DENND5B: variants seen among roughly 807,000 people sequenced by gnomAD.
DENND5B encodes DENN domain containing 5B, also known as DENN domain-containing protein 5B.
DENND5B carries 34 observed loss-of-function variants against 140.6 expected under a neutral mutation model. The observed-to-expected ratio is 0.24, with a 90% confidence interval of 0.18 to 0.32. DENND5B has a LOEUF of 0.32. DENND5B is among the 10% of genes least tolerant of loss of function. The pLI, the probability that DENND5B is intolerant of heterozygous loss-of-function variation, is 1.00. For missense variants in DENND5B, 1,142 were observed against 1,560.2 expected, an observed-to-expected ratio of 0.73 and a Z score of 4.52; for synonymous variants, 551 against 562.1, an observed-to-expected ratio of 0.98 and a Z score of 0.28.
intron 20 of DENND5B, among the ~76,000 whole-genome samples, chr12:31,388,128 T>C (rs1369153238): frequency 2.3e-5 from 1 of 44,338 alleles, no homozygotes; most frequent in African/African-American, 5.3e-5. Flanking sequence ...TGTCATTTTC[T>C]ATGTCTTTTT....
chr12:31,570,829 A>G (rs1418936322), intron 1 of DENND5B, among the ~76,000 whole-genome samples: 1 of 152,006 alleles, frequency 6.6e-6, no homozygotes, highest in East Asian at 1.9e-4. Flanking sequence ...TGGTTGGTTG[A>G]TTGGTCTAAA....
At chr12:31,560,294 C>A (rs1035578909) in intron 1 of DENND5B, among the ~76,000 whole-genome samples, 7 of 152,172 alleles carry the variant, frequency 4.6e-5, no homozygotes, top group Admixed American at 3.9e-4. Flanking sequence ...GATGGTAATT[C>A]CATTTTTCTT....
rs116913510 is a variant in DENND5B, at chr12:31,401,492, C to T, written c.2949+1006G>A. On this transcript the variant is annotated intron_variant, in intron 15 of 20. Coordinates refer to ENST00000389082, the MANE Select transcript of DENND5B (RefSeq NM_144973.4). ...GAACATGAGAATGGGACATTCAGTT[C>T]GTACCATTTCCTTCCTCAAACACAA... Among the ~76,000 whole-genome samples the T allele has an allele frequency of 7.6e-4, 116 of 152,240 alleles. No individual in the cohort carries two copies. The East Asian group carries it at 0.022, about 29-fold the overall frequency.
chr12:31,389,158 C>T (rs1349998162), intron 20 of DENND5B, among the ~76,000 whole-genome samples, 166 bp downstream of exon 20: 4 of 152,114 alleles, frequency 2.6e-5, no homozygotes, highest in East Asian at 1.9e-4. Flanking sequence ...GATTATGCCA[C>T]GGTACTCCAG....
At position 31,399,150 on chromosome 12, in the gene DENND5B, GA is replaced by G. The variant is rs1941654260; in HGVS notation, c.3068+503del. On this transcript the variant is annotated intron_variant, in intron 16 of 20. Transcript: ENST00000389082. ...CCCAAAAAAAAAAAAAAAAAAGAGA[GA>G]GAAAGAAAAAAAAAAGTTTTTTGGG... 2.9e-5 allele frequency among the ~76,000 whole-genome samples: 2 copies of G among 68,438 alleles called. 1 individual carries two copies. The highest frequency in any genetic ancestry group is 1.0e-4 in the African/African-American group (2 of 19,684). 44.9% of individuals were successfully genotyped at this position (68,438 alleles called of 152,430 possible).
rs891087079 is a variant in DENND5B at position 31,455,704 on chromosome 12, A to G, written c.1093-3228T>C. On this transcript the variant is annotated intron_variant, in intron 4 of 20. Transcript: ENST00000389082. Reference sequence around the variant, plus strand: ...TCAACACTGCTCACAAGCCTTCATGATATGTAACTACTTCCTATTAAAAAC... The same window carrying G: ...TCAACACTGCTCACAAGCCTTCATGGTATGTAACTACTTCCTATTAAAAAC... 5.5e-4 allele frequency among the ~76,000 whole-genome samples: 84 copies of G among 152,168 alleles called. 1 individual carries two copies. Among genetic ancestry groups the G allele is most frequent in the African/African-American group, 2.0e-3 (81 of 41,434 alleles).
At chr12:31,466,748 T>TA (rs201762924) in intron 3 of DENND5B, among the ~76,000 whole-genome samples, 1,726 of 152,030 alleles carry the variant, frequency 0.011, 19 homozygotes, top group East Asian at 0.031. Flanking sequence ...TCAGGAGGAT[T>TA]AAAAAAAGAT....
At chr12:31,410,911 TTAA>T (rs1352656663) in intron 13 of DENND5B, among the ~76,000 whole-genome samples, 1 of 152,216 alleles carries the variant, frequency 6.6e-6, no homozygotes, top group Non-Finnish European at 1.5e-5. Flanking sequence ...ATAGTGTATC[TTAA>T]TAAGAGAACA....
At chr12:31,531,006 G>C (rs993762389) in intron 1 of DENND5B, among the ~76,000 whole-genome samples, 1 of 152,144 alleles carries the variant, frequency 6.6e-6, no homozygotes, top group African/African-American at 2.4e-5. Context: ...GCAGAAACAG[G>C]CTAAGTAATT....
chr12:31,411,649 T>G (rs1942468786), intron 13 of DENND5B, among the ~76,000 whole-genome samples: 1 of 151,864 alleles, frequency 6.6e-6, no homozygotes, highest in South Asian at 2.1e-4. Context: ...AGCCAATAAC[T>G]TTTTGTAATT....
chr12:31,526,594 C>T (rs1327662512), intron 1 of DENND5B, among the ~76,000 whole-genome samples: 1 of 152,190 alleles, frequency 6.6e-6, no homozygotes, highest in African/African-American at 2.4e-5. Flanking sequence ...GAAGTAGTCT[C>T]TGCAGAGATT....
At chr12:31,411,333 G>A (rs1037610455) in intron 13 of DENND5B, among the ~76,000 whole-genome samples, 13 of 128,980 alleles carry the variant, frequency 1.0e-4, no homozygotes, top group South Asian at 7.6e-4. Flanking sequence ...CAACACGCCC[G>A]GCCTTTTTTT....
chr12:31,512,303 T>C (rs1346053679), intron 1 of DENND5B, among the ~76,000 whole-genome samples: 1 of 151,356 alleles, frequency 6.6e-6, no homozygotes, highest in Non-Finnish European at 1.5e-5. Flanking sequence ...AGCTTGGACC[T>C]CATGGGCTTG....
chr12:31,561,707 C>A (rs1390888126), intron 1 of DENND5B, among the ~76,000 whole-genome samples: 3 of 152,060 alleles, frequency 2.0e-5, no homozygotes, highest in East Asian at 1.9e-4. Flanking sequence ...AACAAAAAAT[C>A]AATAATTTAT....
intron 1 of DENND5B, chr12:31,540,911 T>C (rs1948663536): frequency 2.4e-6 from 1 of 422,248 alleles, no homozygotes; most frequent in African/African-American, 2.1e-5. Context: ...ACATTTACAG[T>C]GAACTCACTT....
At chr12:31,479,178 C>T (rs1177808852) in intron 3 of DENND5B, among the ~76,000 whole-genome samples, 8 of 152,148 alleles carry the variant, frequency 5.3e-5, no homozygotes, top group South Asian at 2.1e-4. Flanking sequence ...TTTCAATGTT[C>T]GCTGAGTTTT....
intron 2 of DENND5B, among the ~76,000 whole-genome samples, chr12:31,493,818 G>A (rs926949615): frequency 2.0e-5 from 3 of 152,154 alleles, no homozygotes; most frequent in South Asian, 2.1e-4. Flanking sequence ...GTGACAGAGC[G>A]AGACTATCTC....
At position 31,589,388 on chromosome 12, in the gene DENND5B, A is replaced by AT. The variant is rs898389564; in HGVS notation, c.127+1317dup. Among the ~76,000 whole-genome samples, 16 of 151,688 alleles carry AT rather than the reference A, an allele frequency of 1.1e-4. No individual in the cohort carries two copies. The East Asian group carries it at 1.4e-3, about 13-fold the overall frequency. ...ACTTGGTATTCTATTATCTCTCCAA[A>AT]TTTTTTTTTAACTAAAACTAGACTT... On this transcript the variant is annotated intron_variant, in intron 1 of 20. Transcript: ENST00000389082.
chr12:31,449,732 T>TTTTTTTG (rs1555149750), intron 5 of DENND5B, among the ~76,000 whole-genome samples: 7 of 11,632 alleles, frequency 6.0e-4, no homozygotes, highest in East Asian at 7.1e-3. Flanking sequence ...CACAGATTAG[T>TTTTTTTG]TTTTTTTTTT....
Sources: allele counts gnomAD v4.1 joint callset (sites outside exome capture counted in the v4.1 genomes callset), GRCh38; gene constraint gnomAD v4.1.1; transcripts MANE v1.5; gene names NCBI Gene and HGNC (gene_info 2026-07-23, HGNC 2026-07-21).